Variants in ZSWIM6 observed in about 807,000 individuals in gnomAD.
ZSWIM6 encodes zinc finger SWIM-type containing 6, also known as zinc finger SWIM domain-containing protein 6.
Under a neutral mutation model 113.2 loss-of-function variants are expected in ZSWIM6, and 9 were observed. That is an observed-to-expected ratio of 0.08 (90% confidence interval 0.05 to 0.14). ZSWIM6 has a LOEUF of 0.14. ZSWIM6 is among the 10% of genes least tolerant of loss of function. The probability of loss-of-function intolerance (pLI) is 1.00; values close to 1 mark genes in which losing one functional copy is unlikely to be tolerated. For missense variants in ZSWIM6, 1,162 were observed against 1,552.2 expected (o/e 0.75, Z 4.22); for synonymous variants, 611 against 606.5 (o/e 1.01, Z -0.11).
chr5:61,491,015 G>A, intron 3 of ZSWIM6, 81 bp downstream of exon 3: 1 of 1,294,160 alleles, frequency 7.7e-7, no homozygotes, highest in Non-Finnish European at 1.0e-6. Context: ...GTCTACAATA[G>A]GATAAAGACT....
intron 5 of ZSWIM6, among the ~76,000 whole-genome samples, chr5:61,523,205 G>T (rs949367923): frequency 6.6e-6 from 1 of 152,166 alleles, no homozygotes; most frequent in Admixed American, 6.5e-5. Flanking sequence ...AAGCTCAGCT[G>T]GCTCCCCAGG....
At chr5:61,449,741 T>C (rs1747045629) in intron 1 of ZSWIM6, among the ~76,000 whole-genome samples, 1 of 152,188 alleles carries the variant, frequency 6.6e-6, no homozygotes, top group Admixed American at 6.5e-5. Flanking sequence ...CAAAGCTTGA[T>C]GGGGCACCCA....
intron 1 of ZSWIM6, among the ~76,000 whole-genome samples, chr5:61,420,163 C>T (rs1213090093): frequency 6.6e-6 from 1 of 152,208 alleles, no homozygotes; most frequent in Non-Finnish European, 1.5e-5. Flanking sequence ...ATTCTTTCAT[C>T]TTTGCCTGGA....
At chr5:61,418,709 C>T (rs569961630) in intron 1 of ZSWIM6, among the ~76,000 whole-genome samples, 167 of 152,310 alleles carry the variant, frequency 1.1e-3, no homozygotes, top group Middle Eastern at 3.4e-3. Flanking sequence ...AGGGAATGGT[C>T]TTTAAGATGC....
chr5:61,509,799 G>A (rs1054289790), intron 4 of ZSWIM6, among the ~76,000 whole-genome samples: 5 of 152,140 alleles, frequency 3.3e-5, no homozygotes, highest in African/African-American at 9.7e-5. Flanking sequence ...AGTATTTCAA[G>A]TTACTGATTT....
At chr5:61,512,426 T>G (rs150049873) in intron 4 of ZSWIM6, among the ~76,000 whole-genome samples, 172 of 152,264 alleles carry the variant, frequency 1.1e-3, no homozygotes, top group African/African-American at 4.1e-3. Flanking sequence ...GCTATAAACA[T>G]TCTTGTACAA....
rs1747604579 is a variant in ZSWIM6 at position 61,472,734 on chromosome 5, A to G, written c.730A>G (p.Thr244Ala). The change falls in exon 2 of 14, where the codon ACT (threonine) becomes GCT (alanine). Residue 244 changes from threonine (T) to alanine (A), a missense_variant. By Grantham distance (58) the Thr-to-Ala change is moderately conservative (BLOSUM62 0). This residue lies in a region of ZSWIM6 where 96 missense variants were observed against 240.3 expected (regional missense o/e 0.40). Transcript: ENST00000252744. This position sits in a 1 kb window ranked among gnomAD's most constrained non-coding sequence, Gnocchi z 4.1. Reference sequence around the variant, plus strand: ...ACCTGCAATACAATCGGAGCCAGAAACTGTTTGCAACGTGGCCATCAGCTT... The same window carrying G: ...ACCTGCAATACAATCGGAGCCAGAAGCTGTTTGCAACGTGGCCATCAGCTT... ...TEPAIQSEPETVCNVAISFDR... is the reference protein window; with the variant it reads ...TEPAIQSEPEAVCNVAISFDR... 1 of 1,550,236 alleles carries G rather than the reference A, an allele frequency of 6.5e-7. No individual in the cohort carries two copies. Among genetic ancestry groups the G allele is most frequent in the Admixed American group, 2.0e-5 (1 of 50,932 alleles).
At chr5:61,339,152 T>C (rs1055865486) in intron 1 of ZSWIM6, among the ~76,000 whole-genome samples, 2 of 152,192 alleles carry the variant, frequency 1.3e-5, no homozygotes, top group African/African-American at 4.8e-5. Context: ...TAATAGGCAG[T>C]GTAGGAATGA....
chr5:61,432,119 A>G (rs1746596507), intron 1 of ZSWIM6, among the ~76,000 whole-genome samples: 1 of 152,252 alleles, frequency 6.6e-6, no homozygotes, highest in African/African-American at 2.4e-5. Context: ...AAGGACTGAT[A>G]GGAACAAGCT....
Position 61,526,375 on chromosome 5 carries a change from A to G in ZSWIM6, c.1816A>G (p.Met606Val), listed in dbSNP as rs1749283837. The G allele has an allele frequency of 6.4e-7, 1 of 1,552,128 alleles. No individual in the cohort carries two copies. The highest frequency in any genetic ancestry group is 2.0e-5 in the Admixed American group (1 of 50,984). ...LRRQQQKQLEMFRTQKKELPH... is the reference protein window; with the variant it reads ...LRRQQQKQLEVFRTQKKELPH... Reference sequence around the variant, plus strand: ...ACGACAGCAGCAGAAACAGTTGGAAATGTTCCGAACCCAAAAAAAAGGTGA... The same window carrying G: ...ACGACAGCAGCAGAAACAGTTGGAAGTGTTCCGAACCCAAAAAAAAGGTGA... Residue 606 changes from methionine (M) to valine (V), a missense_variant, in exon 7 of 14, where the codon ATG becomes GTG. This residue lies in a region of ZSWIM6 where 620 missense variants were observed against 804.6 expected (regional missense o/e 0.77). Transcript: ENST00000252744.
intron 1 of ZSWIM6, among the ~76,000 whole-genome samples, chr5:61,451,527 T>A (rs1028181320): frequency 1.3e-5 from 2 of 152,194 alleles, no homozygotes; most frequent in Non-Finnish European, 2.9e-5. Context: ...TCATGATTAT[T>A]TGAGGCAGCT....
chr5:61,401,058 C>T (rs1319080401), intron 1 of ZSWIM6, among the ~76,000 whole-genome samples: 1 of 152,054 alleles, frequency 6.6e-6, no homozygotes, highest in Non-Finnish European at 1.5e-5. Flanking sequence ...TGTTTATAGA[C>T]GTTTGGATTA....
chr5:61,531,628 C>T lies in ZSWIM6; in HGVS notation c.2148C>T (p.Cys716=), dbSNP rs752305548. 93 of 1,551,524 alleles carry T rather than the reference C, an allele frequency of 6.0e-5. No individual in the cohort carries two copies. Among genetic ancestry groups the T allele is most frequent in the Non-Finnish European group, 7.5e-5 (86 of 1,146,978 alleles). Residue 716 remains cysteine, a synonymous_variant, in exon 9 of 14, where the codon TGC becomes TGT. Transcript: ENST00000252744. ...PDGLYTQEKV[C]RNEEQLISKL... is the part of the protein sequence containing the mutation. ...GGCTGTACACACAAGAGAAAGTTTGCCGGAATGAGGAGCAGCTCATTTCTA... is the reference window on the plus strand; with the variant it reads ...GGCTGTACACACAAGAGAAAGTTTGTCGGAATGAGGAGCAGCTCATTTCTA...
intron 7 of ZSWIM6, among the ~76,000 whole-genome samples, chr5:61,528,577 A>C (rs1335770670): frequency 6.6e-6 from 1 of 150,962 alleles, no homozygotes; most frequent in Non-Finnish European, 1.5e-5. Context: ...ACATTGTGCC[A>C]AACCGTTTTT....
At position 61,545,314 on chromosome 5, in the gene ZSWIM6, C is replaced by T. The variant is rs181228671; in HGVS notation, c.*997C>T. On this transcript the variant is annotated 3_prime_UTR_variant, in exon 14 of 14. Transcript: ENST00000252744. ...ACACACACACCACCAACAACCACCA[C>T]TACACCACACATGCTTATAACAGGC... is the stretch of plus-strand genomic sequence containing the variant. 1.5e-3 allele frequency: 233 copies of T among 152,086 alleles called. 1 individual carries two copies. The highest frequency in any genetic ancestry group is 5.5e-3 in the African/African-American group (228 of 41,490). 9.4% of individuals were successfully genotyped at this position (152,086 alleles called of 1,614,324 possible).
rs1025236183 is a variant in ZSWIM6 at position 61,374,008 on chromosome 5, TCTTTA to T, written c.676+41065_676+41069del. ...AAACATTAATGTAAAATATTGTTTC[TCTTTA>T]CTTTTTGTTTCTATCTTGCCTTTTG... On this transcript the variant is annotated intron_variant, in intron 1 of 13. Transcript: ENST00000252744. 3.9e-5 allele frequency among the ~76,000 whole-genome samples: 6 copies of T among 152,258 alleles called. No homozygotes were observed. The South Asian group carries it at 6.2e-4, about 16-fold the overall frequency.
chr5:61,530,028 T>C, intron 7 of ZSWIM6, 24 bp from the exon 8 acceptor site: 2 of 1,528,134 alleles, frequency 1.3e-6, no homozygotes, highest in South Asian at 1.2e-5. Context: ...CTCCCCCATT[T>C]CTCAATTCCC....
intron 5 of ZSWIM6, among the ~76,000 whole-genome samples, chr5:61,522,967 T>G (rs1336078000): frequency 6.6e-6 from 1 of 152,244 alleles, no homozygotes; most frequent in Non-Finnish European, 1.5e-5. Flanking sequence ...AGAAAGCTGG[T>G]AAGAAATGGT....
At chr5:61,454,893 T>C (rs1747170245) in intron 1 of ZSWIM6, among the ~76,000 whole-genome samples, 1 of 151,832 alleles carries the variant, frequency 6.6e-6, no homozygotes, top group Non-Finnish European at 1.5e-5. Flanking sequence ...GAAGGTTTTT[T>C]TTTTTTTTTG....
Sources: allele counts gnomAD v4.1 joint callset (sites outside exome capture counted in the v4.1 genomes callset), GRCh38; gene constraint gnomAD v4.1.1; regional missense constraint gnomAD v4.1.1; non-coding constraint Gnocchi (gnomAD v3.1); transcripts MANE v1.5; gene names NCBI Gene and HGNC (gene_info 2026-07-23, HGNC 2026-07-21).